DLG2: variants seen among roughly 807,000 people sequenced by gnomAD.
DLG2 encodes the protein discs large MAGUK scaffold protein 2.
A neutral mutation model predicts 132.5 loss-of-function variants in DLG2; 45 were observed. That is an observed-to-expected ratio of 0.34 (90% CI 0.27 to 0.44). The LOEUF is 0.44. Ranked by LOEUF, DLG2 falls within the 20% of genes least tolerant of loss-of-function variation. DLG2 has a pLI of 1.00. For synonymous variants in DLG2, 424 were observed against 419.6 expected, an observed-to-expected ratio of 1.01 and a Z score of -0.13; for missense variants, 1,045 against 1,196.9, an observed-to-expected ratio of 0.87 and a Z score of 1.87.
chr11:83,521,133 C>G (rs891874443), intron 21 of DLG2, among the ~76,000 whole-genome samples: 1 of 152,312 alleles, frequency 6.6e-6, no homozygotes, highest in Admixed American at 6.5e-5. Flanking sequence ...GAACTGTATA[C>G]TAAATAAATA....
intron 4 of DLG2, among the ~76,000 whole-genome samples, chr11:85,231,767 T>C (rs2075313123): frequency 6.6e-6 from 1 of 151,912 alleles, no homozygotes; most frequent in Non-Finnish European, 1.5e-5. Context: ...GTAGGCCTCC[T>C]CCAAACGCAT....
chr11:84,811,899 A>G (rs532968868), intron 6 of DLG2, among the ~76,000 whole-genome samples: 1 of 152,242 alleles, frequency 6.6e-6, no homozygotes, highest in East Asian at 1.9e-4. Flanking sequence ...TTTATTCAGG[A>G]GCTATGAACA....
At chr11:84,037,670 T>C (rs1005587337) in intron 11 of DLG2, among the ~76,000 whole-genome samples, 1 of 152,118 alleles carries the variant, frequency 6.6e-6, no homozygotes, top group African/African-American at 2.4e-5. Flanking sequence ...TGGTGGTAGA[T>C]ACTAAATTAA....
intron 7 of DLG2, among the ~76,000 whole-genome samples, chr11:84,488,821 A>T (rs1335953863): frequency 6.6e-6 from 1 of 152,200 alleles, no homozygotes; most frequent in Non-Finnish European, 1.5e-5. Flanking sequence ...TGTAACTTTT[A>T]AAGGTCTGTG....
At chr11:85,019,818 T>G (rs1300034075) in intron 6 of DLG2, among the ~76,000 whole-genome samples, 1 of 152,214 alleles carries the variant, frequency 6.6e-6, no homozygotes, top group East Asian at 1.9e-4. Flanking sequence ...TATAGCTGCA[T>G]AGTACTCCAT....
chr11:85,479,724 T>C (rs2093240924), intron 3 of DLG2, among the ~76,000 whole-genome samples: 1 of 152,114 alleles, frequency 6.6e-6, no homozygotes, highest in South Asian at 2.1e-4. Context: ...CAGTAATGTC[T>C]ATTCTCACAG....
chr11:84,611,899 T>C (rs1317001643), intron 6 of DLG2, among the ~76,000 whole-genome samples: 1 of 152,228 alleles, frequency 6.6e-6, no homozygotes, highest in Non-Finnish European at 1.5e-5. Flanking sequence ...AATGGAACCA[T>C]TATAGTGAGA....
intron 19 of DLG2, among the ~76,000 whole-genome samples, chr11:83,548,918 A>C (rs939131203): frequency 1.3e-5 from 2 of 152,152 alleles, no homozygotes; most frequent in African/African-American, 4.8e-5. Flanking sequence ...ATCAGAAACA[A>C]CATCAGGAGC....
intron 6 of DLG2, among the ~76,000 whole-genome samples, chr11:84,541,106 G>C (rs553638693): frequency 6.6e-6 from 1 of 151,844 alleles, no homozygotes; most frequent in African/African-American, 2.4e-5. Context: ...CGAGTTAATG[G>C]GTGTAGCACA....
intron 21 of DLG2, among the ~76,000 whole-genome samples, chr11:83,496,059 A>G (rs2094131690): frequency 6.6e-6 from 1 of 152,104 alleles, no homozygotes; most frequent in Admixed American, 6.6e-5. Context: ...AAAGTGGGAA[A>G]CAATGTTTGC....
At chr11:85,099,823 C>G (rs899976478) in intron 6 of DLG2, among the ~76,000 whole-genome samples, 3 of 152,096 alleles carry the variant, frequency 2.0e-5, no homozygotes, top group African/African-American at 7.2e-5. Context: ...GGGAGAGATG[C>G]CCAGGAGAGT....
intron 3 of DLG2, among the ~76,000 whole-genome samples, chr11:85,304,887 T>C (rs2079837307): frequency 6.6e-6 from 1 of 152,222 alleles, no homozygotes; most frequent in African/African-American, 2.4e-5. Context: ...TATGTAAGCA[T>C]TTTATTTCCA....
chr11:83,733,168 G>T (rs957811880), intron 18 of DLG2, among the ~76,000 whole-genome samples: 4 of 146,904 alleles, frequency 2.7e-5, no homozygotes, highest in African/African-American at 1.0e-4. Context: ...TTGAACTTGG[G>T]AGGCAGAGGT....
intron 11 of DLG2, among the ~76,000 whole-genome samples, chr11:84,050,253 G>C (rs968725966): frequency 6.6e-6 from 1 of 151,436 alleles, no homozygotes; most frequent in African/African-American, 2.4e-5. Flanking sequence ...GGAGGGACCA[G>C]CAATGAAGCC....
At chr11:85,209,445 C>CTTTTTTTT (rs1164394816) in intron 4 of DLG2, among the ~76,000 whole-genome samples, 1,082 of 74,410 alleles carry the variant, frequency 0.015, 144 homozygotes, top group Middle Eastern at 0.019. Context: ...AGAAATCAGT[C>CTTTTTTTT]TTTTTTTTTT....
chr11:85,159,517 G>A (rs2077865068), intron 4 of DLG2, among the ~76,000 whole-genome samples: 1 of 152,186 alleles, frequency 6.6e-6, no homozygotes, highest in South Asian at 2.1e-4. Context: ...ATGCAGGGGT[G>A]GCAATTCCCA....
intron 6 of DLG2, among the ~76,000 whole-genome samples, chr11:84,781,883 G>C (rs2071850154): frequency 6.6e-6 from 1 of 152,104 alleles, no homozygotes; most frequent in Admixed American, 6.6e-5. Flanking sequence ...ATATACAACA[G>C]AGATGGCAGA....
chr11:85,351,079 T>A (rs1596446399), intron 3 of DLG2, among the ~76,000 whole-genome samples: 1 of 152,228 alleles, frequency 6.6e-6, no homozygotes, highest in Non-Finnish European at 1.5e-5. Context: ...TCCTCTTTTA[T>A]TTCGTTGAGC....
intron 7 of DLG2, among the ~76,000 whole-genome samples, chr11:84,275,787 C>T (rs559069466): frequency 2.6e-5 from 4 of 152,146 alleles, no homozygotes; most frequent in Non-Finnish European, 4.4e-5. Flanking sequence ...CGTGTAAGTA[C>T]CATAAAAGAG....
Sources: allele counts gnomAD v4.1 joint callset (sites outside exome capture counted in the v4.1 genomes callset), GRCh38; gene constraint gnomAD v4.1.1; transcripts MANE v1.5; gene names NCBI Gene and HGNC (gene_info 2026-07-23, HGNC 2026-07-21).